The following KIAA1328 variants were observed in gnomAD, a reference collection of about 807,000 sequenced individuals.
The protein encoded by KIAA1328 is protein hinderin.
A neutral mutation model predicts 68.1 loss-of-function variants in KIAA1328; 52 were observed. That is an observed-to-expected ratio of 0.76 (90% CI 0.61 to 0.96). The LOEUF (loss-of-function observed/expected upper bound fraction) is 0.96. Among genes scored for constraint, KIAA1328 ranks in the 40% least tolerant of loss-of-function variants. The pLI is 0.00. For missense variants in KIAA1328, 641 were observed against 677.6 expected, an observed-to-expected ratio of 0.95 and a Z score of 0.60; for synonymous variants, 232 against 239.4, an observed-to-expected ratio of 0.97 and a Z score of 0.28.
intron 9 of KIAA1328, among the ~76,000 whole-genome samples, chr18:37,213,585 T>G (rs2060362194): frequency 6.6e-6 from 1 of 152,220 alleles, no homozygotes; most frequent in Non-Finnish European, 1.5e-5. Context: ...TCTTTGCTAT[T>G]GTGAATAGTG....
intron 6 of KIAA1328, among the ~76,000 whole-genome samples, chr18:37,010,120 A>G (rs1216019532): frequency 6.6e-6 from 1 of 152,158 alleles, no homozygotes; most frequent in African/African-American, 2.4e-5. Context: ...GCTGGGCTAC[A>G]GTAATAAATT....
At chr18:37,108,408 A>G (rs74550751) in intron 7 of KIAA1328, among the ~76,000 whole-genome samples, 1,654 of 152,278 alleles carry the variant, frequency 0.011, 20 homozygotes, top group Middle Eastern at 0.041. Context: ...CCTGTTGGTT[A>G]CTATGCTCAC....
intron 6 of KIAA1328, among the ~76,000 whole-genome samples, chr18:36,972,131 T>C (rs747980189): frequency 6.6e-6 from 1 of 152,214 alleles, no homozygotes; most frequent in Non-Finnish European, 1.5e-5. Context: ...TGATGGTCAA[T>C]TGATTATTGA....
chr18:36,956,945 C>T (rs2051444580), intron 5 of KIAA1328, among the ~76,000 whole-genome samples: 1 of 152,134 alleles, frequency 6.6e-6, no homozygotes, highest in African/African-American at 2.4e-5. Flanking sequence ...TTTAGACTAC[C>T]ATTTATACTA....
intron 6 of KIAA1328, among the ~76,000 whole-genome samples, chr18:37,054,206 T>G (rs549420791): frequency 2.4e-4 from 36 of 152,272 alleles, no homozygotes; most frequent in East Asian, 9.7e-4. Context: ...TTACAACTTG[T>G]TGGTGGGGAT....
chr18:37,139,893 C>T (rs944582033), intron 7 of KIAA1328, among the ~76,000 whole-genome samples: 4 of 152,094 alleles, frequency 2.6e-5, no homozygotes, highest in African/African-American at 4.8e-5. Context: ...AATGCTTATT[C>T]GGAGGATCAG....
intron 6 of KIAA1328, among the ~76,000 whole-genome samples, chr18:36,980,102 C>T (rs570687628): frequency 2.0e-4 from 31 of 152,336 alleles, no homozygotes; most frequent in African/African-American, 7.0e-4. Flanking sequence ...ATCTTAGAAG[C>T]AGAGAGCAGC....
At chr18:37,177,848 T>A (rs1307895984) in intron 9 of KIAA1328, among the ~76,000 whole-genome samples, 2 of 152,096 alleles carry the variant, frequency 1.3e-5, no homozygotes, top group African/African-American at 4.8e-5. Context: ...AATTGACACA[T>A]CATAATTACA....
intron 6 of KIAA1328, among the ~76,000 whole-genome samples, chr18:37,021,617 G>T (rs760716038): frequency 3.2e-4 from 48 of 152,124 alleles, no homozygotes; most frequent in Non-Finnish European, 1.2e-4. Flanking sequence ...CCATGAAGCA[G>T]TTAGAACATG....
At chr18:37,228,246 TGAC>T (rs2060649175), downstream of KIAA1328, among the ~76,000 whole-genome samples, 1 of 152,192 alleles carries the variant, frequency 6.6e-6, no homozygotes, top group Non-Finnish European at 1.5e-5. Flanking sequence ...ATAATTGAAA[TGAC>T]AACAAAAGAC....
chr18:37,124,526 G>A (rs941831532), intron 7 of KIAA1328, among the ~76,000 whole-genome samples: 1 of 151,922 alleles, frequency 6.6e-6, no homozygotes, highest in Admixed American at 6.6e-5. Flanking sequence ...ATACAAAGCA[G>A]TCAGAATGGT....
In KIAA1328 at chr18:37,222,827, A is replaced by G; in HGVS notation, c.*600A>G. On this transcript the variant is annotated 3_prime_UTR_variant, in exon 10 of 10. Coordinates refer to ENST00000280020, the MANE Select transcript of KIAA1328 (RefSeq NM_020776.3). The stretch of plus-strand genomic sequence containing the variant: ...TCAGCCTGGCAGCTGCCCATCCCAT[A>G]ACCAAAGAGCTCAATGGGCTGGAGG... 3 of 991,086 alleles carry G rather than the reference A, an allele frequency of 3.0e-6. No individual in the cohort carries two copies. Among genetic ancestry groups the G allele is most frequent in the Non-Finnish European group, 3.6e-6 (3 of 833,880 alleles). 61.4% of individuals were successfully genotyped at this position (991,086 alleles called of 1,614,324 possible).
At chr18:36,910,532 G>T (rs1283312088) in intron 5 of KIAA1328, among the ~76,000 whole-genome samples, 1 of 152,142 alleles carries the variant, frequency 6.6e-6, no homozygotes, top group Non-Finnish European at 1.5e-5. Flanking sequence ...TGGCCTTATA[G>T]TATAGTTTGA....
intron 8 of KIAA1328, among the ~76,000 whole-genome samples, chr18:37,168,580 A>G (rs1271533766): frequency 6.6e-6 from 1 of 152,270 alleles, no homozygotes; most frequent in Non-Finnish European, 1.5e-5. Context: ...TAAATTTTGC[A>G]GACAATTTAA....
At chr18:36,977,244 T>C (rs923634775) in intron 6 of KIAA1328, among the ~76,000 whole-genome samples, 9 of 152,162 alleles carry the variant, frequency 5.9e-5, no homozygotes, top group Non-Finnish European at 1.2e-4. Flanking sequence ...AGGCCTGTCA[T>C]TGGCATCGTG....
At chr18:36,912,106 A>G (rs899964068) in intron 5 of KIAA1328, among the ~76,000 whole-genome samples, 1 of 152,104 alleles carries the variant, frequency 6.6e-6, no homozygotes, top group African/African-American at 2.4e-5. Flanking sequence ...TCAAGTTAAA[A>G]TTTTCTGTTT....
At chr18:36,884,429 T>A (rs2048428571) in intron 4 of KIAA1328, among the ~76,000 whole-genome samples, 1 of 152,216 alleles carries the variant, frequency 6.6e-6, no homozygotes, top group African/African-American at 2.4e-5. Flanking sequence ...TATTGAGCAC[T>A]ACTATGTGCT....
intron 6 of KIAA1328, among the ~76,000 whole-genome samples, chr18:36,999,687 C>T (rs966289320): frequency 1.3e-5 from 2 of 152,026 alleles, no homozygotes; most frequent in Non-Finnish European, 2.9e-5. Context: ...AATTAGTCCT[C>T]ATAAAGGAAG....
At chr18:36,894,213 C>T (rs1428705605) in intron 5 of KIAA1328, among the ~76,000 whole-genome samples, 1 of 152,106 alleles carries the variant, frequency 6.6e-6, no homozygotes, top group East Asian at 1.9e-4. Context: ...TTTTAAAGCA[C>T]AATTTTATAA....
Sources: gnomAD v4.1 joint callset for allele counts (sites outside exome capture counted in the v4.1 genomes callset) on GRCh38, gnomAD v4.1.1 for gene constraint, MANE v1.5 for transcripts, NCBI Gene and HGNC (gene_info 2026-07-23, HGNC 2026-07-21) for gene names.